Variants in NOL4 observed in about 807,000 individuals in gnomAD.
The protein encoded by NOL4 is cancer/testis antigen 125.
A neutral mutation model predicts 75.9 loss-of-function variants in NOL4; 17 were observed. The ratio of observed to expected loss-of-function variants is 0.22; its 90% confidence interval spans 0.15 to 0.34. The LOEUF (loss-of-function observed/expected upper bound fraction) is 0.34, where lower values mean the gene tolerates loss of function less well. Among genes scored for constraint, NOL4 ranks in the 10% least tolerant of loss-of-function variants. The probability of loss-of-function intolerance (pLI) is 1.00; values close to 1 mark genes in which losing one functional copy is unlikely to be tolerated. For missense variants in NOL4, 614 were observed against 793.5 expected (o/e 0.77, Z 2.72); for synonymous variants, 292 against 289.9 (o/e 1.01, Z -0.07).
At chr18:34,067,789 C>T (rs921442082) in intron 5 of NOL4, among the ~76,000 whole-genome samples, 2 of 151,802 alleles carry the variant, frequency 1.3e-5, no homozygotes, top group African/African-American at 4.8e-5. Flanking sequence ...GAGATAAGCT[C>T]AGTTTGGGAT....
chr18:34,063,567 C>T (rs1192906567), intron 5 of NOL4, among the ~76,000 whole-genome samples: 4 of 152,118 alleles, frequency 2.6e-5, no homozygotes, highest in East Asian at 1.9e-4. Flanking sequence ...GTGAGGTTTT[C>T]GCTCTTGCAC....
At chr18:33,943,221 T>A (rs1184185518) in intron 8 of NOL4, 43 bp from the exon 9 acceptor site, 2 of 1,344,320 alleles carry the variant, frequency 1.5e-6, no homozygotes, top group Non-Finnish European at 2.1e-6. Context: ...TTATTAACAG[T>A]ATCATTAACA....
intron 1 of NOL4, among the ~76,000 whole-genome samples, chr18:34,145,811 A>T (rs1288276820): frequency 6.6e-6 from 1 of 152,108 alleles, no homozygotes; most frequent in Non-Finnish European, 1.5e-5. Flanking sequence ...TATTAATTTT[A>T]TACCAGCAAT....
intron 9 of NOL4, among the ~76,000 whole-genome samples, chr18:33,934,494 T>A (rs1352260714): frequency 6.6e-6 from 1 of 152,200 alleles, no homozygotes; most frequent in Non-Finnish European, 1.5e-5. Flanking sequence ...ATCTACATTA[T>A]AAATCTTTAT....
At chr18:33,923,104 T>C (rs1356607554) in intron 9 of NOL4, among the ~76,000 whole-genome samples, 1 of 152,062 alleles carries the variant, frequency 6.6e-6, no homozygotes, top group Non-Finnish European at 1.5e-5. Flanking sequence ...TTTTAAAATT[T>C]CTCCTATAGG....
At chr18:34,034,939 G>A (rs929259934) in intron 5 of NOL4, among the ~76,000 whole-genome samples, 6 of 152,016 alleles carry the variant, frequency 3.9e-5, no homozygotes, top group African/African-American at 1.5e-4. Context: ...CAACACTGGA[G>A]CACCCAGATT....
At chr18:34,207,085 T>G (rs568725924) in intron 1 of NOL4, among the ~76,000 whole-genome samples, 1 of 152,280 alleles carries the variant, frequency 6.6e-6, no homozygotes, top group Non-Finnish European at 1.5e-5. Flanking sequence ...GCTGAAAAGG[T>G]CTATCTTTTC....
intron 8 of NOL4, among the ~76,000 whole-genome samples, chr18:33,949,893 C>T (rs564864952): frequency 9.9e-5 from 15 of 152,056 alleles, no homozygotes; most frequent in South Asian, 4.1e-4. Context: ...CAGCTGACAA[C>T]GCCTCTGATC....
chr18:34,223,297 C>T lies in NOL4; in HGVS notation c.-44G>A. 3.1e-6 allele frequency: 5 copies of T among 1,601,436 alleles called. No individual in the cohort carries two copies. The highest frequency in any genetic ancestry group is 4.3e-6 in the Non-Finnish European group (5 of 1,176,044). The stretch of plus-strand genomic sequence containing the variant: ...CTGGCCGGATGCTCCCAGCGCACTT[C>T]GCACCTGTTCACCCTAGGCTCATGA... On this transcript the variant is annotated 5_prime_UTR_variant, in exon 1 of 11. Transcript: ENST00000261592.
At chr18:33,934,861 C>T (rs987338712) in intron 9 of NOL4, among the ~76,000 whole-genome samples, 2 of 141,486 alleles carry the variant, frequency 1.4e-5, no homozygotes, top group Non-Finnish European at 3.0e-5. Context: ...TGGAGTAGCA[C>T]GTTTTTTTTT....
intron 1 of NOL4, among the ~76,000 whole-genome samples, chr18:34,170,439 A>C (rs1428102201): frequency 6.6e-6 from 1 of 151,836 alleles, no homozygotes; most frequent in Non-Finnish European, 1.5e-5. Flanking sequence ...TGATCCACCC[A>C]CCTCAGCCTC....
chr18:33,945,296 A>T (rs2068762051), intron 8 of NOL4, among the ~76,000 whole-genome samples: 1 of 151,732 alleles, frequency 6.6e-6, no homozygotes, highest in South Asian at 2.1e-4. Context: ...AAAAATTAGG[A>T]ATATATAAAG....
chr18:34,119,548 G>A (rs183341282), intron 2 of NOL4, among the ~76,000 whole-genome samples: 124 of 152,064 alleles, frequency 8.2e-4, no homozygotes, highest in African/African-American at 2.9e-3. Context: ...CTTCCCACCC[G>A]TTCATCTACC....
chr18:34,069,622 A>C (rs2145232139), intron 5 of NOL4, among the ~76,000 whole-genome samples: 1 of 152,272 alleles, frequency 6.6e-6, no homozygotes, highest in East Asian at 1.9e-4. Flanking sequence ...CAAAGAGAAA[A>C]TAAAATTTTA....
rs1373429646 is a variant in NOL4, at chr18:33,852,947, A to C, written c.1812T>G (p.Thr604=). ...CAAGCTGTCTCACGGCATTGATTTCAGTTGGACTCAGCTGGGGTCTGGAGT... is the reference window on the plus strand; with the variant it reads ...CAAGCTGTCTCACGGCATTGATTTCCGTTGGACTCAGCTGGGGTCTGGAGT... ...SSNSRPQLSP[T]EINAVRQLVA... is the part of the protein sequence containing the mutation. Residue 604 remains threonine (T), a synonymous_variant, in exon 11 of 11, where the codon ACT becomes ACG. Transcript: ENST00000261592. 4.3e-6 allele frequency: 7 copies of C among 1,613,194 alleles called. No individual in the cohort carries two copies. Among genetic ancestry groups the C allele is most frequent in the Non-Finnish European group, 5.9e-6 (7 of 1,179,488 alleles).
intron 5 of NOL4, among the ~76,000 whole-genome samples, chr18:34,082,419 G>A (rs1350263733): frequency 6.6e-6 from 1 of 151,822 alleles, no homozygotes. Flanking sequence ...ACTTTAAAAA[G>A]CTTATTCCTC....
intron 1 of NOL4, among the ~76,000 whole-genome samples, chr18:34,199,108 GTTCC>G (rs2035546939): frequency 6.7e-6 from 1 of 148,732 alleles, no homozygotes; most frequent in African/African-American, 2.5e-5. Flanking sequence ...CAGAGGAAAT[GTTCC>G]TTCTTTTTCA....
At chr18:33,980,248 A>G (rs982299766) in intron 6 of NOL4, among the ~76,000 whole-genome samples, 1 of 152,016 alleles carries the variant, frequency 6.6e-6, no homozygotes, top group African/African-American at 2.4e-5. Flanking sequence ...TGTAATTGAC[A>G]AATTTCTGGA....
intron 9 of NOL4, among the ~76,000 whole-genome samples, chr18:33,942,547 G>A (rs1019821752): frequency 2.6e-5 from 4 of 152,006 alleles, no homozygotes; most frequent in African/African-American, 9.6e-5. Context: ...ATTAATTAAT[G>A]AGAGATTAAG....
Sources: allele counts gnomAD v4.1 joint callset (sites outside exome capture counted in the v4.1 genomes callset), GRCh38; gene constraint gnomAD v4.1.1; transcripts MANE v1.5; gene names NCBI Gene and HGNC (gene_info 2026-07-23, HGNC 2026-07-21).